The following ADARB2 variants were observed in gnomAD, a reference collection of about 807,000 sequenced individuals.
ADARB2 encodes the protein adenosine deaminase RNA specific B2 (inactive), also known as inactive double-stranded RNA-specific editase B2.
A neutral mutation model predicts 62.2 loss-of-function variants in ADARB2; 25 were observed. The ratio of observed to expected loss-of-function variants is 0.40; its 90% CI spans 0.29 to 0.56. The LOEUF (loss-of-function observed/expected upper bound fraction) is 0.56, where lower values mean the gene tolerates loss of function less well. Ranked by LOEUF, ADARB2 falls within the 20% of genes least tolerant of loss-of-function variation. The pLI is 0.43. For missense variants in ADARB2, 1,071 were observed against 1,077.4 expected, an observed-to-expected ratio of 0.99 and a Z score of 0.08; for synonymous variants, 572 against 500.8, an observed-to-expected ratio of 1.14 and a Z score of -1.90.
intron 1 of ADARB2, among the ~76,000 whole-genome samples, chr10:1,727,287 GGGGAGCCCCGC>G (rs1835178873): frequency 6.6e-6 from 1 of 152,040 alleles, no homozygotes; most frequent in Non-Finnish European, 1.5e-5. Context: ...CCACACCTGC[GGGGAGCCCCGC>G]AGAGCAAAAC....
In ADARB2 at chr10:1,181,549, T is replaced by G. The variant is rs2131731686; in HGVS notation, c.*1644A>C. ...CCAGGAAAAGTTTCTTTTTCCATAC[T>G]AATATCTCTACTTCTTATTATCTTG... On this transcript the variant is annotated 3_prime_UTR_variant, in exon 10 of 10. Coordinates refer to ENST00000381312, the MANE Select transcript of ADARB2 (RefSeq NM_018702.4). The G allele has an allele frequency of 6.6e-6, 1 of 152,378 alleles. No homozygotes were observed. The highest frequency in any genetic ancestry group is 3.4e-3 in the Middle Eastern group (1 of 294). The allele number at this position is 152,378 out of a possible 1,614,324, so 9.4% of individuals were successfully genotyped here.
intron 4 of ADARB2, among the ~76,000 whole-genome samples, chr10:1,268,321 T>C (rs973094888): frequency 4.6e-5 from 7 of 152,148 alleles, no homozygotes; most frequent in Admixed American, 1.3e-4. Flanking sequence ...TTCTTTAGAA[T>C]CTTTACCATA....
intron 1 of ADARB2, among the ~76,000 whole-genome samples, chr10:1,479,391 C>A (rs1831440696): frequency 6.6e-6 from 1 of 152,214 alleles, no homozygotes; most frequent in South Asian, 2.1e-4. Flanking sequence ...TCCTTTCAGA[C>A]CCTCGGCCTC....
intron 1 of ADARB2, among the ~76,000 whole-genome samples, chr10:1,526,371 G>A (rs1025308206): frequency 6.6e-6 from 1 of 152,046 alleles, no homozygotes; most frequent in South Asian, 2.1e-4. Context: ...GCTATGGTTT[G>A]GAGGTTTGTC....
Position 1,479,963 on chromosome 10 carries a change from C to A in ADARB2, c.101-100803G>T, listed in dbSNP as rs1270163570. 4.0e-5 allele frequency among the ~76,000 whole-genome samples: 6 copies of A among 151,804 alleles called. No homozygotes were observed. The East Asian group carries it at 1.2e-3, about 29-fold the overall frequency. On this transcript the variant is annotated intron_variant, in intron 1 of 9. Coordinates refer to ENST00000381312, the MANE Select transcript of ADARB2 (RefSeq NM_018702.4). ...TCCATTGCATTTTGGATTATGCACC[C>A]AAATGACACACAGAAGAGATGGAAG...
At chr10:1,690,530 CT>C (rs1401386574) in intron 1 of ADARB2, among the ~76,000 whole-genome samples, 1 of 152,144 alleles carries the variant, frequency 6.6e-6, no homozygotes, top group African/African-American at 2.4e-5. Context: ...GAGGTGATTA[CT>C]CGTTGCCAGT....
chr10:1,404,624 A>G (rs1832691704), intron 1 of ADARB2, among the ~76,000 whole-genome samples: 1 of 152,218 alleles, frequency 6.6e-6, no homozygotes, highest in Non-Finnish European at 1.5e-5. Context: ...AGCTGAATCC[A>G]AATTCAGCAA....
Position 1,242,126 on chromosome 10 carries a change from C to G in ADARB2, c.1361+5G>C. ...CTTCCCTGGAGCCCGTCCCCAGCCG[C>G]TCACCTCAGGTGCAGCTCCAGCTGC... is the stretch of plus-strand genomic sequence containing the variant. On this transcript the variant is annotated splice_donor_5th_base_variant and intron_variant, in intron 5 of 9. Coordinates refer to ENST00000381312, the MANE Select transcript of ADARB2 (RefSeq NM_018702.4). 9.4e-6 allele frequency: 15 copies of G among 1,597,504 alleles called. No homozygotes were observed. The highest frequency in any genetic ancestry group is 1.3e-5 in the Non-Finnish European group (15 of 1,172,960).
intron 1 of ADARB2, among the ~76,000 whole-genome samples, chr10:1,469,008 C>G (rs1831290442): frequency 6.6e-6 from 1 of 152,218 alleles, no homozygotes; most frequent in African/African-American, 2.4e-5. Flanking sequence ...CTGATTGCTA[C>G]CACGTGTTCT....
At chr10:1,666,332 T>C (rs1377914811) in intron 1 of ADARB2, among the ~76,000 whole-genome samples, 1 of 152,234 alleles carries the variant, frequency 6.6e-6, no homozygotes, top group Non-Finnish European at 1.5e-5. Flanking sequence ...TGAATCCACA[T>C]TCTCCTGGGC....
Position 1,548,966 on chromosome 10 carries a change from G to A in ADARB2, c.101-169806C>T, listed in dbSNP as rs181663394. 1.1e-3 allele frequency among the ~76,000 whole-genome samples: 164 copies of A among 152,260 alleles called. 1 individual carries two copies. The highest frequency in any genetic ancestry group is 1.5e-3 in the Admixed American group (23 of 15,306). On this transcript the variant is annotated intron_variant, in intron 1 of 9. Coordinates refer to ENST00000381312, the MANE Select transcript of ADARB2 (RefSeq NM_018702.4). ...GGTGATCTGGCTGGGCCACAGGGGC[G>A]GGGGAGAGAGGCGTTGGTTTGTCAT...
chr10:1,335,161 C>A (rs761010002), intron 3 of ADARB2, among the ~76,000 whole-genome samples: 5 of 150,076 alleles, frequency 3.3e-5, no homozygotes. Flanking sequence ...CAGCTACCTG[C>A]GCCTGGGGCA....
intron 1 of ADARB2, among the ~76,000 whole-genome samples, chr10:1,404,191 G>A (rs906482478): frequency 2.6e-5 from 4 of 152,122 alleles, no homozygotes; most frequent in Admixed American, 6.5e-5. Context: ...TAAAACAAGC[G>A]TTTTGGCTCA....
At chr10:1,588,895 G>T (rs1263177518) in intron 1 of ADARB2, among the ~76,000 whole-genome samples, 2 of 152,176 alleles carry the variant, frequency 1.3e-5, no homozygotes, top group African/African-American at 4.8e-5. Context: ...GGAGGAGTCG[G>T]CTTGAGGCCT....
intron 1 of ADARB2, among the ~76,000 whole-genome samples, chr10:1,535,926 G>A (rs1055728579): frequency 3.3e-5 from 5 of 152,166 alleles, no homozygotes; most frequent in Admixed American, 6.5e-5. Flanking sequence ...TCTCGTCCCA[G>A]TCTTTTCCTT....
At chr10:1,205,086 A>G (rs1837034634) in intron 7 of ADARB2, among the ~76,000 whole-genome samples, 1 of 152,030 alleles carries the variant, frequency 6.6e-6, no homozygotes, top group Admixed American at 6.6e-5. Context: ...CCCGGCCGCC[A>G]TTCTGCAGAG....
chr10:1,610,795 C>T (rs1833559723), intron 1 of ADARB2, among the ~76,000 whole-genome samples: 1 of 149,942 alleles, frequency 6.7e-6, no homozygotes, highest in African/African-American at 2.5e-5. Flanking sequence ...TGTGCACAGG[C>T]ACATGCACAC....
At chr10:1,571,742 A>ACAGGTGAGTGTG (rs1200969281) in intron 1 of ADARB2, among the ~76,000 whole-genome samples, 3 of 87,050 alleles carry the variant, frequency 3.4e-5, no homozygotes, top group Non-Finnish European at 6.6e-5. Flanking sequence ...AGGTGAATGG[A>ACAGGTGAGTGTG]CAGGTGAGTG....
intron 1 of ADARB2, among the ~76,000 whole-genome samples, chr10:1,513,299 C>A (rs1466233449): frequency 1.3e-5 from 2 of 152,194 alleles, no homozygotes; most frequent in Non-Finnish European, 2.9e-5. Flanking sequence ...AATGACAAAG[C>A]GTAACTAGAA....
Sources: gnomAD v4.1 joint callset for allele counts (sites outside exome capture counted in the v4.1 genomes callset) on GRCh38, gnomAD v4.1.1 for gene constraint, MANE v1.5 for transcripts, NCBI Gene and HGNC (gene_info 2026-07-23, HGNC 2026-07-21) for gene names.